VDAC1: variants seen among roughly 807,000 people sequenced by gnomAD.
VDAC1 encodes the protein voltage dependent anion channel 1.
Under a neutral mutation model 34.7 loss-of-function variants are expected in VDAC1, and 10 were observed. The observed-to-expected ratio is 0.29, with a 90% CI of 0.18 to 0.49. The LOEUF is 0.49. VDAC1 is among the 20% of genes least tolerant of loss of function. The probability of loss-of-function intolerance (pLI) is 0.99; values close to 1 mark genes in which losing one functional copy is unlikely to be tolerated. For synonymous variants in VDAC1, 130 were observed against 136.0 expected, an observed-to-expected ratio of 0.96 and a Z score of 0.30; for missense variants, 230 against 347.9, an observed-to-expected ratio of 0.66 and a Z score of 2.69.
At chr5:134,062,985 A>G in the VDAC1 span, among the ~76,000 whole-genome samples, 3 of 152,208 alleles carry the variant, frequency 2.0e-5, no homozygotes, top group Non-Finnish European at 4.4e-5. Context: ...ATAATTTGGC[A>G]AAAATCACCC....
the VDAC1 span, among the ~76,000 whole-genome samples, chr5:134,096,705 C>A: frequency 2.0e-5 from 3 of 152,058 alleles, no homozygotes; most frequent in Non-Finnish European, 4.4e-5. Context: ...GTGATCCTCC[C>A]ACCTCAGCCT....
chr5:134,035,215 A>T, the VDAC1 span, among the ~76,000 whole-genome samples: 1 of 152,142 alleles, frequency 6.6e-6, no homozygotes, highest in Admixed American at 6.5e-5. Context: ...TGTGCTAAAC[A>T]AAGTAATAAG....
intron 8 of VDAC1, 33 bp from the exon 9 acceptor site, chr5:133,972,895 G>A: frequency 2.0e-6 from 3 of 1,525,840 alleles, no homozygotes; most frequent in South Asian, 1.1e-5. Context: ...GAGGAAAGGA[G>A]GAGGAATGGA....
the VDAC1 span, among the ~76,000 whole-genome samples, chr5:134,035,136 G>C: frequency 6.6e-6 from 1 of 152,164 alleles, no homozygotes; most frequent in Admixed American, 6.5e-5. Flanking sequence ...AGAAATGGCT[G>C]GTCGCTGGGC....
chr5:134,013,115 T>C, the VDAC1 span, among the ~76,000 whole-genome samples: 2 of 152,182 alleles, frequency 1.3e-5, no homozygotes, highest in African/African-American at 4.8e-5. Flanking sequence ...AAGACTTAAA[T>C]GTAAGACTTC....
chr5:134,035,867 G>A, the VDAC1 span, among the ~76,000 whole-genome samples: 37 of 152,034 alleles, frequency 2.4e-4, no homozygotes, highest in Non-Finnish European at 4.6e-4. Context: ...TTAGCCGGGC[G>A]CAGTGGCAGG....
chr5:134,103,739 T>G, the VDAC1 span, among the ~76,000 whole-genome samples: 1 of 152,314 alleles, frequency 6.6e-6, no homozygotes, highest in South Asian at 2.1e-4. Flanking sequence ...AAACGAAATG[T>G]TTACCAGCGC....
chr5:134,104,854 G>T, the VDAC1 span, among the ~76,000 whole-genome samples: 2 of 152,330 alleles, frequency 1.3e-5, no homozygotes, highest in Middle Eastern at 6.8e-3. Flanking sequence ...ACTCACAACG[G>T]ATGCACTCGG....
At chr5:134,072,879 C>G in the VDAC1 span, among the ~76,000 whole-genome samples, 1 of 152,148 alleles carries the variant, frequency 6.6e-6, no homozygotes, top group African/African-American at 2.4e-5. Flanking sequence ...TGTGGTCTCC[C>G]GTTGTTTCTG....
intron 1 of VDAC1, among the ~76,000 whole-genome samples, chr5:134,000,140 TTC>T (rs1295895766): frequency 6.6e-6 from 1 of 152,070 alleles, no homozygotes. Flanking sequence ...CTCCAGCACT[TTC>T]TCTTTCTTGC....
chr5:134,039,494 A>C, the VDAC1 span, among the ~76,000 whole-genome samples: 1 of 128,918 alleles, frequency 7.8e-6, no homozygotes, highest in Admixed American at 8.4e-5. Context: ...ACGCCCGGCT[A>C]ATTTTTTGTA....
the VDAC1 span, among the ~76,000 whole-genome samples, chr5:134,036,860 G>A: frequency 6.6e-6 from 1 of 151,852 alleles, no homozygotes; most frequent in African/African-American, 2.4e-5. Flanking sequence ...GGCTGAGGCA[G>A]GAGAATGGTG....
chr5:134,089,322 G>A, the VDAC1 span, among the ~76,000 whole-genome samples: 15 of 152,330 alleles, frequency 9.8e-5, no homozygotes, highest in East Asian at 2.9e-3. Flanking sequence ...TGGGCACTGG[G>A]ACCAAGCAAT....
chr5:133,990,352 C>T (rs1753060325), intron 5 of VDAC1, among the ~76,000 whole-genome samples: 1 of 152,226 alleles, frequency 6.6e-6, no homozygotes, highest in African/African-American at 2.4e-5. Context: ...TTCCAAATGT[C>T]ACCCACTCCC....
In VDAC1 at chr5:133,984,893, G is replaced by A. The variant is rs569817859; in HGVS notation, c.324-3937C>T. Among the ~76,000 whole-genome samples the A allele has an allele frequency of 2.0e-4, 31 of 152,240 alleles. No individual in the cohort carries two copies. In the South Asian group the frequency reaches 2.3e-3, roughly 11 times the overall value. On this transcript the variant is annotated intron_variant, in intron 5 of 8. Transcript: ENST00000265333. ...AGAGGTTGCAATGAGCCAAGATCAC[G>A]CCTCTGCAGTCCAGCCCGGGTGACA...
At chr5:133,985,575 A>G (rs1477978296) in intron 5 of VDAC1, among the ~76,000 whole-genome samples, 2 of 152,164 alleles carry the variant, frequency 1.3e-5, no homozygotes, top group African/African-American at 4.8e-5. Flanking sequence ...AATTGCTTGA[A>G]CCTGGGAGGT....
At chr5:134,041,612 G>A in the VDAC1 span, among the ~76,000 whole-genome samples, 1 of 152,212 alleles carries the variant, frequency 6.6e-6, no homozygotes, top group East Asian at 1.9e-4. Flanking sequence ...TGGTGGGACC[G>A]AGCTGGTGGG....
At chr5:134,039,349 G>C in the VDAC1 span, among the ~76,000 whole-genome samples, 18 of 152,042 alleles carry the variant, frequency 1.2e-4, no homozygotes, top group Non-Finnish European at 2.9e-5. Context: ...TTTTTTTTGA[G>C]ACGGAGTCTC....
At chr5:134,060,840 C>T in the VDAC1 span, among the ~76,000 whole-genome samples, 1 of 144,628 alleles carries the variant, frequency 6.9e-6, no homozygotes, top group Admixed American at 6.9e-5. Context: ...AGTAGACATA[C>T]TTGTGCTTTA....
Sources: allele counts gnomAD v4.1 joint callset (sites outside exome capture counted in the v4.1 genomes callset), GRCh38; gene constraint gnomAD v4.1.1; transcripts MANE v1.5; gene names NCBI Gene and HGNC (gene_info 2026-07-23, HGNC 2026-07-21).